The following BIN3 variants were observed in gnomAD, a reference collection of about 807,000 sequenced individuals.
BIN3 encodes the protein bridging integrator 3.
Under a neutral mutation model 38.2 loss-of-function variants are expected in BIN3, and 41 were observed. The observed-to-expected ratio is 1.07, with a 90% confidence interval of 0.84 to 1.39. The LOEUF (loss-of-function observed/expected upper bound fraction) is 1.39. BIN3 is among the 40% of genes most tolerant of loss of function. The probability of loss-of-function intolerance (pLI) is 0.00; values close to 1 mark genes in which losing one functional copy is unlikely to be tolerated. For missense variants in BIN3, 361 were observed against 324.3 expected (o/e 1.11, Z -0.87); for synonymous variants, 145 against 122.6 (o/e 1.18, Z -1.21).
intron 4 of BIN3, among the ~76,000 whole-genome samples, chr8:22,635,219 C>T: frequency 6.6e-6 from 1 of 152,198 alleles, no homozygotes; most frequent in South Asian, 2.1e-4. Flanking sequence ...GACCCTGTCA[C>T]TCTCCACCTC....
intron 1 of BIN3, among the ~76,000 whole-genome samples, chr8:22,666,537 C>G (rs1408996476): frequency 6.6e-6 from 1 of 152,024 alleles, no homozygotes; most frequent in East Asian, 1.9e-4. Flanking sequence ...CACCGGGTCA[C>G]TTTTCTGAAA....
At chr8:22,621,874 G>T (rs772971808) in intron 8 of BIN3, among the ~76,000 whole-genome samples, 68 of 152,234 alleles carry the variant, frequency 4.5e-4, no homozygotes, top group Non-Finnish European at 8.5e-4. Context: ...TGGGCACCAT[G>T]ACTGGAGTTT....
At chr8:22,645,296 C>T (rs1802680161) in intron 1 of BIN3, among the ~76,000 whole-genome samples, 1 of 147,216 alleles carries the variant, frequency 6.8e-6, no homozygotes, top group African/African-American at 2.6e-5. Flanking sequence ...AAGATCCTAT[C>T]TCAAAAAAAA....
At chr8:22,631,560 G>C (rs1401114222) in intron 4 of BIN3, among the ~76,000 whole-genome samples, 1 of 152,206 alleles carries the variant, frequency 6.6e-6, no homozygotes, top group Non-Finnish European at 1.5e-5. Context: ...TGCCTCCAAG[G>C]TCAAACGGCT....
At chr8:22,667,493 A>G (rs911527307) in intron 1 of BIN3, among the ~76,000 whole-genome samples, 7 of 152,254 alleles carry the variant, frequency 4.6e-5, no homozygotes, top group African/African-American at 1.4e-4. Flanking sequence ...AAATTAGGTA[A>G]GAACACTCCA....
At chr8:22,646,952 G>A (rs73671242) in intron 1 of BIN3, among the ~76,000 whole-genome samples, 2,583 of 152,304 alleles carry the variant, frequency 0.017, 71 homozygotes, top group African/African-American at 0.058. Context: ...TGGCATTGCA[G>A]ACAGACAGCC....
Position 22,621,220 on chromosome 8 carries a change from T to G in BIN3, c.*202A>C. 1.5e-6 allele frequency: 1 copy of G among 646,774 alleles called. No homozygotes were observed. The highest frequency in any genetic ancestry group is 2.6e-6 in the Non-Finnish European group (1 of 382,142). 40.1% of individuals were successfully genotyped at this position (646,774 alleles called of 1,614,324 possible). ...CAAGGGTTTGTCTACACTGCTTACC[T>G]GCTGGGGCTGTGAGTGGGGAGACGG... On this transcript the variant is annotated 3_prime_UTR_variant, in exon 9 of 9. Transcript: ENST00000276416.
Position 22,662,060 on chromosome 8 carries a change from G to A in BIN3, c.8+6984C>T, listed in dbSNP as rs189037230. 1.1e-4 allele frequency among the ~76,000 whole-genome samples: 16 copies of A among 152,334 alleles called. No homozygotes were observed. In the East Asian group the frequency reaches 2.3e-3, roughly 22 times the overall value. ...TCTGCCCGCCTCTGCCTCCCAAAGC[G>A]CTGGGATTACAGGCGTGAGCCAACA... On this transcript the variant is annotated intron_variant, in intron 1 of 8. Transcript: ENST00000276416.
At chr8:22,665,716 A>C (rs1803395401) in intron 1 of BIN3, among the ~76,000 whole-genome samples, 1 of 152,256 alleles carries the variant, frequency 6.6e-6, no homozygotes, top group East Asian at 1.9e-4. Flanking sequence ...AGCCAGGCCC[A>C]GAGGGCCTCA....
chr8:22,663,538 T>C (rs1027003663), intron 1 of BIN3, among the ~76,000 whole-genome samples: 2 of 151,116 alleles, frequency 1.3e-5, no homozygotes, highest in Non-Finnish European at 2.9e-5. Flanking sequence ...ACTGCCAAAA[T>C]AATCTGACTA....
chr8:22,632,813 A>G (rs923770318), intron 4 of BIN3, among the ~76,000 whole-genome samples: 8 of 149,522 alleles, frequency 5.4e-5, no homozygotes, highest in African/African-American at 2.0e-4. Flanking sequence ...GCTTCAAGTG[A>G]TTCTCCTGCC....
chr8:22,628,921 C>T (rs1252226442), intron 6 of BIN3, among the ~76,000 whole-genome samples: 1 of 152,228 alleles, frequency 6.6e-6, no homozygotes, highest in Non-Finnish European at 1.5e-5. Flanking sequence ...TGCGCTGTCC[C>T]CAGCAGGCAG....
At chr8:22,624,448 G>A (rs1410146352) in intron 6 of BIN3, 85 bp from the exon 7 acceptor site, 1 of 1,530,902 alleles carries the variant, frequency 6.5e-7, no homozygotes. Flanking sequence ...GGGGTGGCCT[G>A]GCTGGAGATG....
rs1472075843 is a variant in BIN3 at position 22,620,482 on chromosome 8, G to C, written c.*940C>G. On this transcript the variant is annotated 3_prime_UTR_variant, in exon 9 of 9. Coordinates refer to ENST00000276416, the MANE Select transcript of BIN3 (RefSeq NM_018688.6). ...AAAGTCAAAAACAAACTGAGAGTGT[G>C]TCCTCCACAGCTCTTCCTACTCTCC... is the stretch of plus-strand genomic sequence containing the variant. 2 of 139,744 alleles carry C rather than the reference G, an allele frequency of 1.4e-5. No homozygotes were observed. The highest frequency in any genetic ancestry group is 3.0e-5 in the Non-Finnish European group (2 of 65,864). 8.7% of individuals were successfully genotyped at this position (139,744 alleles called of 1,614,324 possible). A position where few individuals can be genotyped will look rare whatever the true frequency, so the allele number is the denominator to read the frequency against.
intron 2 of BIN3, among the ~76,000 whole-genome samples, chr8:22,639,274 C>T (rs1318787010): frequency 6.6e-6 from 1 of 151,786 alleles, no homozygotes; most frequent in Non-Finnish European, 1.5e-5. Flanking sequence ...CTCTGTTGCC[C>T]AGGCTGGAAT....
chr8:22,629,267 C>G (rs1213166618), intron 6 of BIN3, among the ~76,000 whole-genome samples: 1 of 152,154 alleles, frequency 6.6e-6, no homozygotes, highest in Non-Finnish European at 1.5e-5. Context: ...CAAGGAAGTG[C>G]AGCTGGGCGA....
chr8:22,633,117 C>T (rs769063251), intron 4 of BIN3, among the ~76,000 whole-genome samples: 27 of 152,188 alleles, frequency 1.8e-4, no homozygotes, highest in African/African-American at 4.8e-4. Flanking sequence ...GGAATCCCCG[C>T]CCAGTGATGC....
intron 6 of BIN3, chr8:22,625,051 A>T (rs945479645): frequency 3.9e-5 from 16 of 411,480 alleles, no homozygotes; most frequent in African/African-American, 2.4e-4. Flanking sequence ...TGCCATTGGA[A>T]CCGCCAAAGT....
At chr8:22,630,334 G>C in intron 5 of BIN3, 108 bp downstream of exon 5, 1 of 1,446,418 alleles carries the variant, frequency 6.9e-7, no homozygotes. Context: ...AGAGGGCTTA[G>C]AGCCCTGAGA....
Sources: allele counts gnomAD v4.1 joint callset (sites outside exome capture counted in the v4.1 genomes callset), GRCh38; gene constraint gnomAD v4.1.1; transcripts MANE v1.5; gene names NCBI Gene and HGNC (gene_info 2026-07-23, HGNC 2026-07-21).